Variants in BRCA2 observed in about 807,000 individuals in gnomAD.
BRCA2 encodes BRCA2 DNA repair associated, also known as breast cancer type 2 susceptibility protein.
Under a neutral mutation model 276.7 loss-of-function variants are expected in BRCA2, and 203 were observed. That is an observed-to-expected ratio of 0.73 (90% CI 0.65 to 0.82). The LOEUF is 0.82. Ranked by LOEUF, BRCA2 falls within the 40% of genes least tolerant of loss-of-function variation. The pLI, the probability that BRCA2 is intolerant of heterozygous loss-of-function variation, is 0.00. For missense variants in BRCA2, 3,920 were observed against 3,915.0 expected (o/e 1.00, Z -0.03); for synonymous variants, 1,289 against 1,338.4 (o/e 0.96, Z 0.81).
chr13:32,333,069 A>G lies in BRCA2; in HGVS notation c.1591A>G (p.Lys531Glu), dbSNP rs876659050. The G allele has an allele frequency of 6.2e-7, 1 of 1,610,684 alleles. No individual in the cohort carries two copies. The highest frequency in any genetic ancestry group is 2.2e-5 in the East Asian group (1 of 44,860). ...SGHMTDPNFK[K>E]ETEASESGLE... Reference sequence around the variant, plus strand: ...TCATATGACTGATCCAAACTTTAAAAAAGAAACTGAAGCCTCTGAAAGTGG... The same window carrying G: ...TCATATGACTGATCCAAACTTTAAAGAAGAAACTGAAGCCTCTGAAAGTGG... The change falls in exon 10 of 27, where the codon AAA becomes GAA. Residue 531 changes from lysine (K) to glutamate (E), a missense_variant. Physicochemically the swap from Lys to Glu is moderately conservative, Grantham distance 56. This residue lies in a region of BRCA2 where 3,263 missense variants were observed against 3,156.9 expected (regional missense o/e 1.03). Transcript: ENST00000380152.
chr13:32,319,418 C>A, intron 3 of BRCA2, 93 bp downstream of exon 3: 1 of 1,283,316 alleles, frequency 7.8e-7, no homozygotes, highest in Non-Finnish European at 1.1e-6. Context: ...TTAATTGTGT[C>A]ATGCTGGGCA....
chr13:32,356,349 C>T (rs781231835), intron 14 of BRCA2, 79 bp from the exon 15 acceptor site: 6 of 1,413,460 alleles, frequency 4.2e-6, no homozygotes, highest in Admixed American at 3.4e-5. Context: ...GGATTACAGG[C>T]GTGAGCCACT....
chr13:32,362,390 G>A (rs1309841741), intron 16 of BRCA2, 133 bp from the exon 17 acceptor site: 3 of 830,266 alleles, frequency 3.6e-6, no homozygotes, highest in Non-Finnish European at 5.7e-6. Context: ...AAATTATATT[G>A]TAGATCATAT....
chr13:32,344,386 C>T (rs554005940), intron 11 of BRCA2, among the ~76,000 whole-genome samples, 172 bp from the exon 12 acceptor site: 1 of 152,132 alleles, frequency 6.6e-6, no homozygotes, highest in East Asian at 1.9e-4. Context: ...ATGTAATTGA[C>T]ATTGAAGACT....
intron 13 of BRCA2, among the ~76,000 whole-genome samples, chr13:32,354,367 G>A (rs1323886215): frequency 1.3e-5 from 2 of 152,128 alleles, no homozygotes; most frequent in Non-Finnish European, 2.9e-5. Flanking sequence ...AAAGGTGAGT[G>A]AGAAAATAAG....
chr13:32,341,032 A>C lies in BRCA2; in HGVS notation c.6677A>C (p.Glu2226Ala), dbSNP rs1281267586. The change falls in exon 11 of 27, where the codon GAA (glutamate) becomes GCA (alanine). Residue 2226 changes from glutamate (E) to alanine (A), a missense_variant. Glu to Ala is a moderately radical substitution (Grantham distance 107). Around this residue, in one of 2 missense-constraint regions of BRCA2, gnomAD observed 3,263 missense variants for 3,156.9 expected, o/e 1.03. Coordinates refer to ENST00000380152, the MANE Select transcript of BRCA2 (RefSeq NM_000059.4). Reference protein sequence around the residue: ...SKDSENYFETEAVEIAKAFME... With the variant: ...SKDSENYFETAAVEIAKAFME... The stretch of plus-strand genomic sequence containing the variant: ...GATTCAGAAAACTACTTTGAAACAG[A>C]AGCAGTAGAAATTGCTAAAGCTTTT... The C allele has an allele frequency of 6.2e-7, 1 of 1,613,852 alleles. No homozygotes were observed. The highest frequency in any genetic ancestry group is 8.5e-7 in the Non-Finnish European group (1 of 1,179,916).
Position 32,398,580 on chromosome 13 carries a change from C to T in BRCA2, c.10067C>T (p.Ser3356Leu), listed in dbSNP as rs2137666274. ...LINTQALLSG[S>L]TGEKQFISVS... ...AATACCCAAGCTCTTTTGTCTGGTT[C>T]AACAGGAGAAAAACAATTTATATCT... The change falls in exon 27 of 27, where the codon TCA becomes TTA. Residue 3356 changes from serine to leucine, a missense_variant. Ser to Leu is a moderately radical substitution (Grantham distance 145). Around this residue, in one of 2 missense-constraint regions of BRCA2, gnomAD observed 657 missense variants for 758.2 expected, o/e 0.87. Coordinates refer to ENST00000380152, the MANE Select transcript of BRCA2 (RefSeq NM_000059.4). 1 of 1,614,098 alleles carries T rather than the reference C, an allele frequency of 6.2e-7. No homozygotes were observed.
chr13:32,376,536 G>GA, intron 20 of BRCA2, 134 bp from the exon 21 acceptor site: 1 of 872,222 alleles, frequency 1.1e-6, no homozygotes, highest in East Asian at 2.9e-5. Context: ...AAAAAAAAAA[G>GA]AAAAAACTTT....
chr13:32,395,043 G>A, intron 25 of BRCA2, 110 bp downstream of exon 25: 1 of 1,474,350 alleles, frequency 6.8e-7, no homozygotes, highest in Non-Finnish European at 9.3e-7. Flanking sequence ...TAGTATGTGA[G>A]GTAAAGTTTA....
rs556762256 is a variant in BRCA2 at position 32,376,731 on chromosome 13, G to A, written c.8694G>A (p.Leu2898=). 52 of 1,613,994 alleles carry A rather than the reference G, an allele frequency of 3.2e-5. No individual in the cohort carries two copies. Among genetic ancestry groups the A allele is most frequent in the Non-Finnish European group, 4.1e-5 (48 of 1,180,022 alleles). ...RALTRQQVRA[L]QDGAELYEAV... is the part of the protein sequence containing the mutation. ...TAACAAGACAGCAAGTTCGTGCTTT[G>A]CAAGATGGTGCAGAGCTTTATGAAG... Residue 2898 remains leucine, a synonymous_variant, in exon 21 of 27, where the codon TTG becomes TTA. Transcript: ENST00000380152.
At chr13:32,386,272 G>T (rs1233372550) in intron 24 of BRCA2, among the ~76,000 whole-genome samples, 1 of 152,174 alleles carries the variant, frequency 6.6e-6, no homozygotes, top group East Asian at 1.9e-4. Flanking sequence ...GCCAGGGGTG[G>T]TGGCACACAC....
intron 10 of BRCA2, among the ~76,000 whole-genome samples, chr13:32,335,711 T>C (rs1000452381): frequency 7.9e-5 from 12 of 152,266 alleles, no homozygotes; most frequent in African/African-American, 2.6e-4. Context: ...TAGATACTAA[T>C]TTTGATTGAG....
chr13:32,322,946 T>C (rs1343943571), intron 3 of BRCA2, among the ~76,000 whole-genome samples: 2 of 152,212 alleles, frequency 1.3e-5, no homozygotes, highest in African/African-American at 4.8e-5. Flanking sequence ...AAGAGCACGA[T>C]TGTGGGATCA....
At chr13:32,330,173 C>T (rs535335216) in intron 8 of BRCA2, among the ~76,000 whole-genome samples, 3 of 152,138 alleles carry the variant, frequency 2.0e-5, no homozygotes, top group South Asian at 2.1e-4. Flanking sequence ...TGCTTTCTGG[C>T]GTAATATGTA....
chr13:32,345,919 C>T (rs1165032334), intron 12 of BRCA2, among the ~76,000 whole-genome samples: 1 of 151,908 alleles, frequency 6.6e-6, no homozygotes, highest in Non-Finnish European at 1.5e-5. Flanking sequence ...GGATACTCAA[C>T]CCATATATTA....
chr13:32,350,225 A>G (rs1172639098), intron 13 of BRCA2, among the ~76,000 whole-genome samples: 1 of 152,206 alleles, frequency 6.6e-6, no homozygotes, highest in Non-Finnish European at 1.5e-5. Context: ...AAAAGCAAAA[A>G]TAAAATAACC....
chr13:32,388,247 TAGCTGGGA>T (rs1236639959), intron 24 of BRCA2, among the ~76,000 whole-genome samples: 3 of 151,880 alleles, frequency 2.0e-5, no homozygotes, highest in African/African-American at 7.3e-5. Context: ...GCCTCCCGAG[TAGCTGGGA>T]CGACAGGCAC....
At chr13:32,357,081 T>C (rs2072703546) in intron 15 of BRCA2, among the ~76,000 whole-genome samples, 2 of 152,224 alleles carry the variant, frequency 1.3e-5, no homozygotes, top group Admixed American at 6.5e-5. Flanking sequence ...TAAGATGCTC[T>C]TCTAAGCACT....
rs80359067 is a variant in BRCA2, at chr13:32,363,391, C to T, written c.8189C>T (p.Ala2730Val). Residue 2730 changes from alanine (A) to valine (V), a missense_variant, in exon 18 of 27, where the codon GCC becomes GTC. Transcript: ENST00000380152. The stretch of plus-strand genomic sequence containing the variant: ...ACAGATGGGTGGTATGCTGTTAAGG[C>T]CCAGTTAGATCCTCCCCTCTTAGCT... Reference protein sequence around the residue: ...ELTDGWYAVKAQLDPPLLAVL... With the variant: ...ELTDGWYAVKVQLDPPLLAVL... The T allele has an allele frequency of 6.2e-7, 1 of 1,614,118 alleles. No individual in the cohort carries two copies. The highest frequency in any genetic ancestry group is 1.1e-5 in the South Asian group (1 of 91,074).
Sources: allele counts gnomAD v4.1 joint callset (sites outside exome capture counted in the v4.1 genomes callset), GRCh38; gene constraint gnomAD v4.1.1; regional missense constraint gnomAD v4.1.1; transcripts MANE v1.5; gene names NCBI Gene and HGNC (gene_info 2026-07-23, HGNC 2026-07-21).